The following CYFIP1 variants were observed in gnomAD, a reference collection of about 807,000 sequenced individuals.
The protein encoded by CYFIP1 is cytoplasmic FMR1-interacting protein 1.
CYFIP1 carries 58 observed loss-of-function variants against 163.5 expected under a neutral mutation model. The observed-to-expected ratio is 0.35, with a 90% CI of 0.29 to 0.44. The LOEUF (loss-of-function observed/expected upper bound fraction) is 0.44. Among genes scored for constraint, CYFIP1 ranks in the 20% least tolerant of loss-of-function variants. CYFIP1 has a pLI of 1.00. For synonymous variants in CYFIP1, 663 were observed against 660.7 expected, an observed-to-expected ratio of 1.00 and a Z score of -0.05; for missense variants, 1,338 against 1,653.8, an observed-to-expected ratio of 0.81 and a Z score of 3.31.
intron 6 of CYFIP1, among the ~76,000 whole-genome samples, chr15:22,942,765 G>A (rs765966559): frequency 2.0e-5 from 3 of 152,196 alleles, no homozygotes; most frequent in Non-Finnish European, 4.4e-5. Flanking sequence ...GCTGGCGAGT[G>A]ACCGGCACCG....
At chr15:22,873,334 A>G (rs1697900954) in intron 29 of CYFIP1, among the ~76,000 whole-genome samples, 157 bp downstream of exon 29, 1 of 152,144 alleles carries the variant, frequency 6.6e-6, no homozygotes, top group African/African-American at 2.4e-5. Flanking sequence ...TTTGGCATCA[A>G]GTAAGAATCC....
chr15:22,970,386 T>A (rs1475669330), intron 1 of CYFIP1, among the ~76,000 whole-genome samples: 1 of 152,162 alleles, frequency 6.6e-6, no homozygotes, highest in Non-Finnish European at 1.5e-5. Context: ...TTCTAAAGAC[T>A]CAATGCAATC....
At chr15:22,966,942 C>T (rs1436590274) in intron 1 of CYFIP1, among the ~76,000 whole-genome samples, 5 of 151,574 alleles carry the variant, frequency 3.3e-5, no homozygotes, top group South Asian at 4.2e-4. Context: ...AACACACAGA[C>T]GGTGGCGCAT....
At chr15:22,958,572 C>T (rs76236119) in intron 1 of CYFIP1, among the ~76,000 whole-genome samples, 16,538 of 152,220 alleles carry the variant, frequency 0.11, 1,036 homozygotes, top group Non-Finnish European at 0.12. Flanking sequence ...CTCCGCCCCC[C>T]ACCTTGGGGC....
chr15:22,906,307 C>T (rs1293521263), intron 21 of CYFIP1, among the ~76,000 whole-genome samples: 2 of 151,756 alleles, frequency 1.3e-5, no homozygotes, highest in African/African-American at 2.4e-5. Flanking sequence ...GGGGTTTCAC[C>T]ACGTTGGCCA....
chr15:22,916,000 G>A (rs1455993120), intron 16 of CYFIP1, among the ~76,000 whole-genome samples: 5 of 152,200 alleles, frequency 3.3e-5, no homozygotes, highest in South Asian at 4.1e-4. Flanking sequence ...GGTGGACAAC[G>A]GAGGACTTGA....
At chr15:22,941,774 A>C (rs1243942371) in intron 6 of CYFIP1, among the ~76,000 whole-genome samples, 1 of 152,114 alleles carries the variant, frequency 6.6e-6, no homozygotes, top group East Asian at 1.9e-4. Flanking sequence ...TGTTTTACAG[A>C]CTAGGCTTTA....
chr15:22,903,659 T>A (rs1179837305), intron 22 of CYFIP1, 47 bp downstream of exon 22: 12 of 1,599,156 alleles, frequency 7.5e-6, no homozygotes, highest in Non-Finnish European at 7.7e-6. Flanking sequence ...GGGACATGGG[T>A]CCCTGAGCGC....
intron 1 of CYFIP1, among the ~76,000 whole-genome samples, chr15:22,950,513 A>C (rs2062212535): frequency 6.6e-6 from 1 of 152,216 alleles, no homozygotes; most frequent in African/African-American, 2.4e-5. Context: ...AGCTGGAAGA[A>C]GAAATGCCAT....
chr15:22,960,052 G>A (rs1172169874), intron 1 of CYFIP1, among the ~76,000 whole-genome samples: 4 of 152,148 alleles, frequency 2.6e-5, no homozygotes, highest in Non-Finnish European at 2.9e-5. Context: ...GTGCACCCAC[G>A]AGGAGCTGCA....
chr15:22,885,623 C>T (rs568826877), intron 23 of CYFIP1, among the ~76,000 whole-genome samples: 1 of 152,266 alleles, frequency 6.6e-6, no homozygotes, highest in Admixed American at 6.5e-5. Context: ...ATCCCAGCTA[C>T]TTGGGAGGCT....
intron 3 of CYFIP1, among the ~76,000 whole-genome samples, chr15:22,945,718 T>C (rs80139931): frequency 0.24 from 35,652 of 151,446 alleles, 4,761 homozygotes; most frequent in Middle Eastern, 0.34. Context: ...GGATTACAGG[T>C]GTGCGCACCA....
intron 21 of CYFIP1, chr15:22,905,380 T>C (rs1212680788): frequency 2.0e-5 from 3 of 152,260 alleles, no homozygotes; most frequent in Non-Finnish European, 4.4e-5. Context: ...GTATGACAGG[T>C]ACACTGAATC....
At chr15:22,944,535 C>T in intron 5 of CYFIP1, 23 bp downstream of exon 5, 1 of 1,537,428 alleles carries the variant, frequency 6.5e-7, no homozygotes, top group Non-Finnish European at 9.0e-7. Flanking sequence ...GTTACACCCC[C>T]CCCAGATTAT....
chr15:22,932,362 G>A (rs1409030854), intron 10 of CYFIP1, 22 bp from the exon 11 acceptor site: 6 of 1,537,276 alleles, frequency 3.9e-6, no homozygotes, highest in South Asian at 1.2e-5. Flanking sequence ...GAAAGCACCC[G>A]CGTTACCTGC....
rs1015106170 is a variant in CYFIP1 at position 22,918,049 on chromosome 15, C to T, written c.1527-114G>A. On this transcript the variant is annotated intron_variant, in intron 14 of 30. Coordinates refer to ENST00000617928, the MANE Select transcript of CYFIP1 (RefSeq NM_014608.6). The stretch of plus-strand genomic sequence containing the variant: ...TCTCAGAACAGCCCCCATGAAAATA[C>T]AAATTACTCTGGGGGCCATGGAGGG... 36 of 1,267,712 alleles carry T rather than the reference C, an allele frequency of 2.8e-5. No individual in the cohort carries two copies. The African/African-American group carries it at 4.4e-4, about 15-fold the overall frequency. 78.5% of individuals were successfully genotyped at this position (1,267,712 alleles called of 1,614,324 possible).
chr15:22,872,766 CAAAG>C lies in CYFIP1; in HGVS notation c.3597+55_3597+58del, dbSNP rs546631066. On this transcript the variant is annotated intron_variant, in intron 30 of 30. Transcript: ENST00000617928. ...TTGCCAGAAACAAGAACTTATAACA[CAAAG>C]AAAGTATGCTTTTGCAAAAGGTCCA... 634 of 1,561,372 alleles carry C rather than the reference CAAAG, an allele frequency of 4.1e-4. 1 individual carries two copies. Among genetic ancestry groups the C allele is most frequent in the Non-Finnish European group, 5.2e-4 (593 of 1,136,574 alleles).
intron 1 of CYFIP1, among the ~76,000 whole-genome samples, chr15:22,955,245 G>A (rs952674941): frequency 3.4e-4 from 51 of 152,192 alleles, no homozygotes; most frequent in African/African-American, 1.2e-3. Context: ...CCTTAAGGTG[G>A]AGGCCACCCT....
intron 1 of CYFIP1, 39 bp from the exon 2 acceptor site, chr15:22,947,330 AGGAGG>A (rs770993046): frequency 5.0e-6 from 8 of 1,597,046 alleles, no homozygotes; most frequent in Non-Finnish European, 6.8e-6. Context: ...TGTGAGGAGA[AGGAGG>A]GGACACCCAA....
Sources: allele counts gnomAD v4.1 joint callset (sites outside exome capture counted in the v4.1 genomes callset), GRCh38; gene constraint gnomAD v4.1.1; transcripts MANE v1.5; gene names NCBI Gene and HGNC (gene_info 2026-07-23, HGNC 2026-07-21).